LRRC53: variants seen among roughly 807,000 people sequenced by gnomAD.
LRRC53 encodes leucine rich repeat containing 53, also known as leucine-rich repeat-containing protein 53.
LRRC53 carries 25 observed loss-of-function variants against 13.6 expected under a neutral mutation model. The ratio of observed to expected loss-of-function variants is 1.83; its 90% CI spans 1.34 to 2.56. The LOEUF (loss-of-function observed/expected upper bound fraction) is 2.56, where lower values mean the gene tolerates loss of function less well. LRRC53 is among the 30% of genes most tolerant of loss of function. The probability of loss-of-function intolerance (pLI) is 0.00; values close to 1 mark genes in which losing one functional copy is unlikely to be tolerated. For synonymous variants in LRRC53, 204 were observed against 109.8 expected, an observed-to-expected ratio of 1.86 and a Z score of -5.37; for missense variants, 527 against 275.8, an observed-to-expected ratio of 1.91 and a Z score of -6.45.
At chr1:74,507,127 C>G (rs1669944644) in intron 1 of LRRC53, among the ~76,000 whole-genome samples, 1 of 151,568 alleles carries the variant, frequency 6.6e-6, no homozygotes, top group Non-Finnish European at 1.5e-5. Flanking sequence ...TTATTCATTA[C>G]AAATATTTCA....
In LRRC53 at chr1:74,472,133, C is replaced by G; in HGVS notation, c.1489G>C (p.Glu497Gln). ...PASALAGESL[E>Q]KRLTNESWQP... ...CATGATTCATTTGTTAAACGCTTCT[C>G]AAGACTTTCTCCTGCCAAGGCTGAA... The change falls in exon 5 of 5, where the codon GAG becomes CAG. Residue 497 changes from glutamate to glutamine, a missense_variant. Transcript: ENST00000294635. The G allele has an allele frequency of 1.4e-6, 1 of 717,196 alleles. No homozygotes were observed. Among genetic ancestry groups the G allele is most frequent in the Admixed American group, 2.0e-5 (1 of 49,988 alleles). 44.4% of individuals were successfully genotyped at this position (717,196 alleles called of 1,614,324 possible). A position where few individuals can be genotyped will look rare whatever the true frequency, so the allele number is the denominator to read the frequency against.
At chr1:74,526,949 C>G in the LRRC53 span, among the ~76,000 whole-genome samples, 1 of 152,178 alleles carries the variant, frequency 6.6e-6, no homozygotes, top group Non-Finnish European at 1.5e-5. Context: ...ACTGAAACAG[C>G]AGAGTTGAGT....
At chr1:74,487,132 GT>G (rs541702758) in intron 1 of LRRC53, among the ~76,000 whole-genome samples, 69 of 152,264 alleles carry the variant, frequency 4.5e-4, no homozygotes, top group African/African-American at 1.6e-3. Context: ...TTTGCTGTTT[GT>G]TTTTAAGATA....
chr1:74,527,995 T>C, the LRRC53 span, among the ~76,000 whole-genome samples: 2 of 152,084 alleles, frequency 1.3e-5, no homozygotes, highest in South Asian at 4.2e-4. Context: ...GTGGTAGTGC[T>C]TAAGTATGGT....
intron 1 of LRRC53, chr1:74,492,027 C>T (rs1024644900): frequency 7.2e-6 from 10 of 1,379,996 alleles, no homozygotes; most frequent in South Asian, 2.3e-5. Flanking sequence ...AAGTTAAATC[C>T]ATATTTTATG....
the LRRC53 span, among the ~76,000 whole-genome samples, chr1:74,527,892 G>A: frequency 4.5e-4 from 68 of 152,172 alleles, no homozygotes; most frequent in Admixed American, 1.7e-3. Flanking sequence ...GTGGTGGATG[G>A]GAGTGGTGGG....
the LRRC53 span, among the ~76,000 whole-genome samples, chr1:74,524,190 T>TAGCATGCTAA: frequency 2.0e-5 from 3 of 152,178 alleles, no homozygotes; most frequent in South Asian, 6.2e-4. Flanking sequence ...AAACACAGAG[T>TAGCATGCTAA]AACCATGTAG....
intron 3 of LRRC53, among the ~76,000 whole-genome samples, chr1:74,476,454 C>T (rs961175461): frequency 2.6e-5 from 4 of 152,080 alleles, no homozygotes; most frequent in African/African-American, 4.8e-5. Context: ...TATGCTTGTT[C>T]GCAGACTGTC....
At chr1:74,507,456 A>G (rs942028047) in intron 1 of LRRC53, among the ~76,000 whole-genome samples, 1 of 152,096 alleles carries the variant, frequency 6.6e-6, no homozygotes, top group African/African-American at 2.4e-5. Context: ...ACGCACTTAC[A>G]CACAGAGTAA....
At chr1:74,523,286 T>C in the LRRC53 span, among the ~76,000 whole-genome samples, 2 of 152,228 alleles carry the variant, frequency 1.3e-5, no homozygotes, top group African/African-American at 4.8e-5. Flanking sequence ...ATTATCTCAC[T>C]TGATACCTCA....
At chr1:74,474,227 C>T (rs1668073096) in intron 4 of LRRC53, among the ~76,000 whole-genome samples, 1 of 152,052 alleles carries the variant, frequency 6.6e-6, no homozygotes, top group African/African-American at 2.4e-5. Context: ...GAAAGATCTG[C>T]CTAAGGTATG....
At chr1:74,536,511 T>A in the LRRC53 span, among the ~76,000 whole-genome samples, 1 of 152,190 alleles carries the variant, frequency 6.6e-6, no homozygotes, top group Non-Finnish European at 1.5e-5. Context: ...ATAAAAACGG[T>A]GACTGATGAT....
chr1:74,492,945 CT>C (rs887158552), intron 1 of LRRC53, among the ~76,000 whole-genome samples: 2 of 152,156 alleles, frequency 1.3e-5, no homozygotes, highest in African/African-American at 4.8e-5. Flanking sequence ...AGAAATCCAC[CT>C]TTTTTTCTCT....
Position 74,492,244 on chromosome 1 carries a change from T to C in LRRC53, c.-26-8869A>G, listed in dbSNP as rs1669117898. 6.2e-7 allele frequency: 1 copy of C among 1,601,528 alleles called. No homozygotes were observed. The highest frequency in any genetic ancestry group is 8.5e-7 in the Non-Finnish European group (1 of 1,171,286). On this transcript the variant is annotated intron_variant, in intron 1 of 4. Transcript: ENST00000294635. ...ATTGGAATATGCTCTAAATGCAAGG[T>C]CCTATGCTGCTTTGTCCCAAAGGTG...
At chr1:74,526,739 T>C in the LRRC53 span, among the ~76,000 whole-genome samples, 1 of 152,210 alleles carries the variant, frequency 6.6e-6, no homozygotes, top group Non-Finnish European at 1.5e-5. Context: ...AGATCCTACA[T>C]TCACTGAGAT....
chr1:74,484,971 A>G (rs113484383), intron 1 of LRRC53, among the ~76,000 whole-genome samples: 9 of 152,032 alleles, frequency 5.9e-5, no homozygotes, highest in African/African-American at 2.2e-4. Context: ...GAGAAGGATG[A>G]GAGGTAAGCA....
Position 74,492,091 on chromosome 1 carries a change from A to C in LRRC53, c.-26-8716T>G, listed in dbSNP as rs1570695131. The C allele has an allele frequency of 6.5e-7, 1 of 1,535,566 alleles. No homozygotes were observed. The highest frequency in any genetic ancestry group is 8.9e-7 in the Non-Finnish European group (1 of 1,129,306). ...AAACAATTGAAATTGCCCCTCCTCCACTCAGCTGATGTCTCCTGCATCAAG... is the reference window on the plus strand; with the variant it reads ...AAACAATTGAAATTGCCCCTCCTCCCCTCAGCTGATGTCTCCTGCATCAAG... On this transcript the variant is annotated intron_variant, in intron 1 of 4. Coordinates refer to ENST00000294635, the MANE Select transcript of LRRC53 (RefSeq NM_001382280.1).
chr1:74,477,923 T>C (rs935269551), intron 3 of LRRC53, among the ~76,000 whole-genome samples: 2 of 152,224 alleles, frequency 1.3e-5, no homozygotes, highest in Non-Finnish European at 2.9e-5. Context: ...TAGAAACACA[T>C]TACAGCTTCA....
chr1:74,496,808 C>A (rs1395508287), intron 1 of LRRC53, among the ~76,000 whole-genome samples: 1 of 152,094 alleles, frequency 6.6e-6, no homozygotes, highest in Non-Finnish European at 1.5e-5. Flanking sequence ...AAGCATGTGG[C>A]AGTTGCTCCT....
Sources: allele counts gnomAD v4.1 joint callset (sites outside exome capture counted in the v4.1 genomes callset), GRCh38; gene constraint gnomAD v4.1.1; transcripts MANE v1.5; gene names NCBI Gene and HGNC (gene_info 2026-07-23, HGNC 2026-07-21).